VPS45: variants seen among roughly 807,000 people sequenced by gnomAD.
VPS45 encodes the protein vacuolar protein sorting-associated protein 45.
In VPS45, 35 loss-of-function variants were observed where a neutral mutation model predicts 75.9. The observed-to-expected ratio is 0.46, with a 90% CI of 0.35 to 0.61. The LOEUF (loss-of-function observed/expected upper bound fraction) is 0.61, where lower values mean the gene tolerates loss of function less well. Among genes scored for constraint, VPS45 ranks in the 20% least tolerant of loss-of-function variants. The pLI is 0.00. For synonymous variants in VPS45, 220 were observed against 238.2 expected, an observed-to-expected ratio of 0.92 and a Z score of 0.70; for missense variants, 559 against 685.9, an observed-to-expected ratio of 0.81 and a Z score of 2.07.
intron 9 of VPS45, among the ~76,000 whole-genome samples, chr1:150,082,335 C>T (rs984880377): frequency 6.6e-5 from 10 of 151,908 alleles, no homozygotes; most frequent in East Asian, 1.9e-4. Flanking sequence ...GGTGAAACCC[C>T]GTCTCTACTA....
intron 13 of VPS45, among the ~76,000 whole-genome samples, chr1:150,101,177 G>A (rs1295450646): frequency 2.0e-5 from 3 of 150,506 alleles, no homozygotes; most frequent in African/African-American, 7.4e-5. Context: ...TGAGGCAGGA[G>A]AATCACTTGA....
At chr1:150,094,925 C>G (rs1553802743) in intron 13 of VPS45, among the ~76,000 whole-genome samples, 1 of 152,192 alleles carries the variant, frequency 6.6e-6, no homozygotes, top group Non-Finnish European at 1.5e-5. Context: ...CCACACAAAG[C>G]TCAAAATTAT....
At chr1:150,082,538 A>G (rs1655776030) in intron 9 of VPS45, among the ~76,000 whole-genome samples, 178 bp from the exon 10 acceptor site, 1 of 149,984 alleles carries the variant, frequency 6.7e-6, no homozygotes, top group African/African-American at 2.5e-5. Context: ...AACTCAGTCT[A>G]CCAACATATA....
intron 13 of VPS45, among the ~76,000 whole-genome samples, chr1:150,108,300 A>T (rs1169911946): frequency 6.6e-6 from 1 of 152,230 alleles, no homozygotes; most frequent in East Asian, 1.9e-4. Context: ...TGGTGTGATT[A>T]TCCAGGGAAG....
chr1:150,067,831 C>A lies in VPS45; in HGVS notation c.-27C>A. ...TAGCCAGAAAAGGGGGCGGGAAGGGCTGTAGGGTACTTGTCAATTCGCCGC... is the reference window on the plus strand; with the variant it reads ...TAGCCAGAAAAGGGGGCGGGAAGGGATGTAGGGTACTTGTCAATTCGCCGC... On this transcript the variant is annotated 5_prime_UTR_variant, in exon 1 of 15. In the 5' UTR this introduces an upstream ATG that the reference lacks. Coordinates refer to ENST00000644510, the MANE Select transcript of VPS45 (RefSeq NM_007259.5). 2 of 1,610,868 alleles carry A rather than the reference C, an allele frequency of 1.2e-6. No individual in the cohort carries two copies. The highest frequency in any genetic ancestry group is 1.1e-5 in the South Asian group (1 of 90,978).
upstream of VPS45, chr1:150,067,446 C>T (rs1654779695): frequency 1.1e-5 from 2 of 184,170 alleles, no homozygotes; most frequent in Non-Finnish European, 2.2e-5. Flanking sequence ...AAATAGGGCA[C>T]GTAGCCACAC....
At chr1:150,141,678 A>G (rs1177201106) in intron 14 of VPS45, among the ~76,000 whole-genome samples, 1 of 152,166 alleles carries the variant, frequency 6.6e-6, no homozygotes, top group Non-Finnish European at 1.5e-5. Context: ...CACAAACTAA[A>G]AAAAGCAGTA....
At chr1:150,092,510 C>A in intron 12 of VPS45, 101 bp downstream of exon 12, 1 of 961,848 alleles carries the variant, frequency 1.0e-6, no homozygotes, top group Non-Finnish European at 1.5e-6. Context: ...AAGATTGCTG[C>A]TAATTTAGTA....
At chr1:150,115,423 T>C (rs1334370207) in intron 14 of VPS45, among the ~76,000 whole-genome samples, 2 of 152,234 alleles carry the variant, frequency 1.3e-5, no homozygotes, top group Non-Finnish European at 2.9e-5. Context: ...CCTCTTTTTT[T>C]CTCATGTTTT....
intron 14 of VPS45, among the ~76,000 whole-genome samples, chr1:150,125,477 A>G (rs55840680): frequency 0.11 from 15,998 of 151,544 alleles, 1,189 homozygotes; most frequent in Non-Finnish European, 0.16. Context: ...CATTTAAAAA[A>G]TGACGAGTTC....
intron 9 of VPS45, among the ~76,000 whole-genome samples, 179 bp from the exon 10 acceptor site, chr1:150,082,537 T>A (rs587682787): frequency 1.3e-4 from 20 of 150,956 alleles, no homozygotes; most frequent in African/African-American, 4.6e-4. Flanking sequence ...AAACTCAGTC[T>A]ACCAACATAT....
chr1:150,132,396 A>G (rs1658880642), intron 14 of VPS45, among the ~76,000 whole-genome samples: 1 of 152,212 alleles, frequency 6.6e-6, no homozygotes. Context: ...TTCCAGTATT[A>G]TCTATATTTC....
rs1470177334 is a variant in VPS45, at chr1:150,103,849, T to C, written c.1494-6647T>C. 2.0e-5 allele frequency among the ~76,000 whole-genome samples: 3 copies of C among 152,190 alleles called. No individual in the cohort carries two copies. In the East Asian group the frequency reaches 5.8e-4, roughly 29 times the overall value. Reference sequence around the variant, plus strand: ...AGATCAGAAGCTCAAAACAAAGGTGTTAACTATCTGATTCTTCCCATTAGT... The same window carrying C: ...AGATCAGAAGCTCAAAACAAAGGTGCTAACTATCTGATTCTTCCCATTAGT... On this transcript the variant is annotated intron_variant, in intron 13 of 14. Coordinates refer to ENST00000644510, the MANE Select transcript of VPS45 (RefSeq NM_007259.5).
At chr1:150,143,220 A>T (rs12138231) in intron 14 of VPS45, among the ~76,000 whole-genome samples, 40,140 of 152,084 alleles carry the variant, frequency 0.26, 7,759 homozygotes, top group African/African-American at 0.55. Flanking sequence ...GACTTTTATG[A>T]TTATGTATTT....
In VPS45 at chr1:150,082,812, C is replaced by T. The variant is rs782225422; in HGVS notation, c.1033C>T (p.Arg345Trp). The change falls in exon 10 of 15, where the codon CGG becomes TGG. Residue 345 changes from arginine to tryptophan, a missense_variant. Transcript: ENST00000644510. ...AGAACTGTCTCGATTGGTCAGTGAACGGAATCTGCTGGAGGTTTCAGAGGT... is the reference window on the plus strand; with the variant it reads ...AGAACTGTCTCGATTGGTCAGTGAATGGAATCTGCTGGAGGTTTCAGAGGT... ...VGELSRLVSE[R>W]NLLEVSEVEQ... is the part of the protein sequence containing the mutation. The T allele has an allele frequency of 3.0e-5, 49 of 1,614,008 alleles. No individual in the cohort carries two copies. Among genetic ancestry groups the T allele is most frequent in the South Asian group, 7.7e-5 (7 of 91,084 alleles).
chr1:150,140,788 C>T (rs1434954951), intron 14 of VPS45, among the ~76,000 whole-genome samples: 6 of 152,230 alleles, frequency 3.9e-5, no homozygotes, highest in Admixed American at 6.5e-5. Flanking sequence ...GCTTCATAAG[C>T]TTGCATGGAA....
At chr1:150,106,641 C>G (rs1422372710) in intron 13 of VPS45, among the ~76,000 whole-genome samples, 1 of 152,068 alleles carries the variant, frequency 6.6e-6, no homozygotes, top group Admixed American at 6.5e-5. Context: ...CACTCTGGCT[C>G]TGGCTCCCCC....
chr1:150,114,393 G>C (rs1037935588), intron 14 of VPS45, among the ~76,000 whole-genome samples: 1 of 151,822 alleles, frequency 6.6e-6, no homozygotes, highest in Non-Finnish European at 1.5e-5. Flanking sequence ...GCTTGAACCG[G>C]GGAGGTGGAG....
At chr1:150,096,982 C>A (rs1454010704) in intron 13 of VPS45, among the ~76,000 whole-genome samples, 1 of 97,378 alleles carries the variant, frequency 1.0e-5, no homozygotes, top group Admixed American at 1.2e-4. Context: ...AACTACAGTA[C>A]AATATTACGT....
Sources: allele counts gnomAD v4.1 joint callset (sites outside exome capture counted in the v4.1 genomes callset), GRCh38; gene constraint gnomAD v4.1.1; transcripts MANE v1.5; gene names NCBI Gene and HGNC (gene_info 2026-07-23, HGNC 2026-07-21).